Variants in ACTR3C observed in about 807,000 individuals in gnomAD.
ACTR3C encodes actin-related protein 3C.
ACTR3C carries 18 observed loss-of-function variants against 26.3 expected under a neutral mutation model. The observed-to-expected ratio is 0.68, with a 90% confidence interval of 0.47 to 1.01. ACTR3C has a LOEUF of 1.01. Ranked by LOEUF, ACTR3C falls within the 50% of genes least tolerant of loss-of-function variation. The pLI is 0.00. For synonymous variants in ACTR3C, 55 were observed against 94.5 expected, an observed-to-expected ratio of 0.58 and a Z score of 2.42; for missense variants, 184 against 250.7, an observed-to-expected ratio of 0.73 and a Z score of 1.80.
chr7:150,270,402 C>A (rs1226261977), intron 6 of ACTR3C, among the ~76,000 whole-genome samples: 1 of 151,044 alleles, frequency 6.6e-6, no homozygotes, highest in African/African-American at 2.5e-5. Context: ...TGGGATAAAG[C>A]AGGTACTATT....
chr7:149,888,006 C>T, the ACTR3C span, among the ~76,000 whole-genome samples: 914 of 136,512 alleles, frequency 6.7e-3, 9 homozygotes, highest in African/African-American at 0.026. Context: ...CTTTTTTTTT[C>T]CCCCCAGTTT....
the ACTR3C span, among the ~76,000 whole-genome samples, chr7:149,914,427 T>C: frequency 1.3e-5 from 2 of 151,546 alleles, no homozygotes; most frequent in Non-Finnish European, 2.9e-5. Flanking sequence ...CCCATCTTTA[T>C]ACTAAAATAC....
the ACTR3C span, among the ~76,000 whole-genome samples, chr7:149,970,902 G>A: frequency 6.6e-6 from 1 of 152,146 alleles, no homozygotes; most frequent in Non-Finnish European, 1.5e-5. Context: ...CATAATGGAT[G>A]GAATCAAGAA....
the ACTR3C span, among the ~76,000 whole-genome samples, chr7:149,994,662 C>T: frequency 1.3e-5 from 2 of 151,902 alleles, no homozygotes; most frequent in Non-Finnish European, 2.9e-5. Context: ...TGTGTAAAGG[C>T]CCATCACCCA....
At chr7:150,116,780 G>A in the ACTR3C span, among the ~76,000 whole-genome samples, 1 of 152,170 alleles carries the variant, frequency 6.6e-6, no homozygotes, top group African/African-American at 2.4e-5. Context: ...TCTGTAAGGA[G>A]GATTCCTGGC....
chr7:149,917,695 G>C, the ACTR3C span, among the ~76,000 whole-genome samples: 1 of 136,002 alleles, frequency 7.4e-6, no homozygotes, highest in African/African-American at 2.8e-5. Context: ...GGAGTGCAGT[G>C]GTGCAATCAT....
the ACTR3C span, among the ~76,000 whole-genome samples, chr7:149,904,797 C>T: frequency 1.3e-5 from 2 of 151,540 alleles, no homozygotes; most frequent in Non-Finnish European, 2.9e-5. Context: ...AGTTCCAGAC[C>T]AGCCTGGCCA....
chr7:150,039,875 C>G, the ACTR3C span, among the ~76,000 whole-genome samples: 39 of 119,812 alleles, frequency 3.3e-4, no homozygotes, highest in African/African-American at 8.7e-4. Flanking sequence ...AAGAGGGGCT[C>G]GCTCTCAGTC....
chr7:150,308,941 A>G (rs557510473), intron 1 of ACTR3C, among the ~76,000 whole-genome samples: 1 of 152,254 alleles, frequency 6.6e-6, no homozygotes, highest in East Asian at 1.9e-4. Context: ...AAGAATTCCA[A>G]TATTTGACTC....
chr7:149,945,633 G>A, the ACTR3C span, among the ~76,000 whole-genome samples: 2 of 152,096 alleles, frequency 1.3e-5, no homozygotes, highest in African/African-American at 4.8e-5. Context: ...GACCTGGATG[G>A]ATGGGGGAGG....
intron 6 of ACTR3C, among the ~76,000 whole-genome samples, chr7:150,283,990 G>A (rs1412738495): frequency 1.3e-5 from 2 of 150,986 alleles, no homozygotes; most frequent in East Asian, 1.9e-4. Flanking sequence ...AAAATTCCCT[G>A]AAATCTAAGA....
chr7:149,901,910 C>CAAAAAAA, the ACTR3C span, among the ~76,000 whole-genome samples: 21 of 56,760 alleles, frequency 3.7e-4, 1 homozygote, highest in South Asian at 1.2e-3. Context: ...GACTCTGTCT[C>CAAAAAAA]AAAAAAAAAA....
chr7:149,991,410 G>C, the ACTR3C span, among the ~76,000 whole-genome samples: 2 of 152,202 alleles, frequency 1.3e-5, no homozygotes, highest in African/African-American at 4.8e-5. Flanking sequence ...GGTGCCTGCT[G>C]GTGGGTGATG....
chr7:150,174,136 A>C, the ACTR3C span, among the ~76,000 whole-genome samples: 1 of 139,374 alleles, frequency 7.2e-6, no homozygotes, highest in Non-Finnish European at 1.5e-5. Context: ...GCAATGCCCC[A>C]ATGTACTGGT....
At chr7:149,986,977 A>AT in the ACTR3C span, among the ~76,000 whole-genome samples, 1 of 141,434 alleles carries the variant, frequency 7.1e-6, no homozygotes, top group Non-Finnish European at 1.5e-5. Context: ...ATCTGAGGCT[A>AT]CTGCCTTGAA....
chr7:150,309,962 A>G (rs866334486), intron 1 of ACTR3C, among the ~76,000 whole-genome samples: 12 of 152,100 alleles, frequency 7.9e-5, no homozygotes, highest in South Asian at 2.1e-4. Flanking sequence ...CTTCTTTTCA[A>G]GGGCCTGTTT....
the ACTR3C span, among the ~76,000 whole-genome samples, chr7:150,177,282 G>A: frequency 2.0e-5 from 3 of 147,340 alleles, no homozygotes; most frequent in Non-Finnish European, 3.0e-5. Context: ...TTTTCCATCC[G>A]ACTCGGATAA....
At chr7:149,935,668 CT>C in the ACTR3C span, among the ~76,000 whole-genome samples, 1 of 121,318 alleles carries the variant, frequency 8.2e-6, no homozygotes, top group Admixed American at 9.0e-5. Flanking sequence ...TCCCAAAGTG[CT>C]GGGATTACAA....
the ACTR3C span, among the ~76,000 whole-genome samples, chr7:150,133,328 C>A: frequency 6.6e-6 from 1 of 152,202 alleles, no homozygotes; most frequent in Non-Finnish European, 1.5e-5. Context: ...CCAATCACTA[C>A]AAGGAAGGCT....
Sources: gnomAD v4.1 joint callset for allele counts (sites outside exome capture counted in the v4.1 genomes callset) on GRCh38, gnomAD v4.1.1 for gene constraint, MANE v1.5 for transcripts, NCBI Gene and HGNC (gene_info 2026-07-23, HGNC 2026-07-21) for gene names.